NR3C2: variants seen among roughly 807,000 people sequenced by gnomAD.
The protein encoded by NR3C2 is mineralocorticoid receptor.
A neutral mutation model predicts 86.4 loss-of-function variants in NR3C2; 15 were observed. That is an observed-to-expected ratio of 0.17 (90% confidence interval 0.12 to 0.27). NR3C2 has a LOEUF of 0.27. Ranked by LOEUF, NR3C2 falls within the 10% of genes least tolerant of loss-of-function variation. The probability of loss-of-function intolerance (pLI) is 1.00; values close to 1 mark genes in which losing one functional copy is unlikely to be tolerated. For synonymous variants in NR3C2, 458 were observed against 450.5 expected (o/e 1.02, Z -0.21); for missense variants, 960 against 1,195.6 (o/e 0.80, Z 2.91).
chr4:148,435,545 G>A lies in NR3C2; in HGVS notation c.1316C>T (p.Thr439Ile). 2 of 1,614,074 alleles carry A rather than the reference G, an allele frequency of 1.2e-6. No individual in the cohort carries two copies. Among genetic ancestry groups the A allele is most frequent in the Non-Finnish European group, 1.7e-6 (2 of 1,180,024 alleles). ...QESTKHSCSG[T>I]SFKGNPTVNP... ...TACTGTTGGATTCCCTTTAAAAGAG[G>A]TGCCTGAACATGAATGCTTGGTTGA... is the stretch of plus-strand genomic sequence containing the variant. Residue 439 changes from threonine (T) to isoleucine (I), a missense_variant, in exon 2 of 9, where the codon ACC (threonine) becomes ATC (isoleucine). Physicochemically the swap from Thr to Ile is moderately conservative, Grantham distance 89. Coordinates refer to ENST00000358102, the MANE Select transcript of NR3C2 (RefSeq NM_000901.5).
intron 2 of NR3C2, among the ~76,000 whole-genome samples, chr4:148,411,932 A>G (rs1748727480): frequency 6.6e-6 from 1 of 152,158 alleles, no homozygotes; most frequent in African/African-American, 2.4e-5. Flanking sequence ...CACTTATAAA[A>G]CTTAACGCTG....
At chr4:148,270,512 C>T (rs1740626816) in intron 2 of NR3C2, among the ~76,000 whole-genome samples, 1 of 152,156 alleles carries the variant, frequency 6.6e-6, no homozygotes, top group African/African-American at 2.4e-5. Flanking sequence ...TGTTATAGTG[C>T]TTTTGCTGAC....
intron 2 of NR3C2, among the ~76,000 whole-genome samples, chr4:148,360,190 C>A (rs2150002570): frequency 6.6e-6 from 1 of 152,274 alleles, no homozygotes; most frequent in South Asian, 2.1e-4. Context: ...TTTATACTTT[C>A]TTATCATTTT....
At chr4:148,321,601 C>A (rs913899833) in intron 2 of NR3C2, among the ~76,000 whole-genome samples, 5 of 152,124 alleles carry the variant, frequency 3.3e-5, no homozygotes, top group East Asian at 1.9e-4. Flanking sequence ...GTTAGCTCTT[C>A]TTGTTGAATT....
intron 2 of NR3C2, among the ~76,000 whole-genome samples, chr4:148,285,125 C>T (rs754048661): frequency 9.2e-5 from 14 of 152,150 alleles, no homozygotes; most frequent in Non-Finnish European, 4.4e-5. Flanking sequence ...CTACAACTGT[C>T]ATGTGATTAC....
intron 2 of NR3C2, among the ~76,000 whole-genome samples, chr4:148,382,351 G>T (rs878232): frequency 0.02 from 3,084 of 152,228 alleles, 110 homozygotes; most frequent in African/African-American, 0.071. Flanking sequence ...TATGGTCCGT[G>T]CACTTAATAT....
chr4:148,395,251 A>C (rs2126508757), intron 2 of NR3C2, among the ~76,000 whole-genome samples: 1 of 152,310 alleles, frequency 6.6e-6, no homozygotes, highest in East Asian at 1.9e-4. Flanking sequence ...AATTTTTAAG[A>C]AAGAACATAC....
At chr4:148,124,240 C>A (rs201587543) in intron 6 of NR3C2, among the ~76,000 whole-genome samples, 1 of 34,860 alleles carries the variant, frequency 2.9e-5, no homozygotes, top group Admixed American at 2.8e-4. Context: ...ATCCCAAAAC[C>A]AAACCAAACC....
rs1412822483 is a variant in NR3C2 at position 148,338,371 on chromosome 4, GT to G, written c.1758-78255del. Among the ~76,000 whole-genome samples, 8 of 152,208 alleles carry G rather than the reference GT, an allele frequency of 5.3e-5. No individual in the cohort carries two copies. The East Asian group carries it at 1.5e-3, about 29-fold the overall frequency. On this transcript the variant is annotated intron_variant, in intron 2 of 8. Coordinates refer to ENST00000358102, the MANE Select transcript of NR3C2 (RefSeq NM_000901.5). ...TGGTAAAATATTTAAAGAGCTAAAT[GT>G]TATGGGATTTTTAAAAATGTTATTT...
chr4:148,247,476 A>C (rs990442134), intron 3 of NR3C2, among the ~76,000 whole-genome samples: 4 of 152,122 alleles, frequency 2.6e-5, no homozygotes, highest in African/African-American at 4.8e-5. Flanking sequence ...ACTTTTGTGC[A>C]ATTTGTATTG....
chr4:148,266,078 T>TTC lies in NR3C2; in HGVS notation c.1758-5962_1758-5961insGA, dbSNP rs1740375025. The stretch of plus-strand genomic sequence containing the variant: ...ATAAAATAGCTCCAGAAGGCCGCTT[T>TTC]TTTTTTTTTTTTTGAGACAAGAGTC... On this transcript the variant is annotated intron_variant, in intron 2 of 8. Coordinates refer to ENST00000358102, the MANE Select transcript of NR3C2 (RefSeq NM_000901.5). 2.0e-5 allele frequency among the ~76,000 whole-genome samples: 3 copies of TTC among 149,094 alleles called. No homozygotes were observed. In the South Asian group the frequency reaches 6.4e-4, roughly 32 times the overall value.
intron 4 of NR3C2, among the ~76,000 whole-genome samples, chr4:148,162,354 C>A (rs1482936645): frequency 6.6e-6 from 1 of 152,150 alleles, no homozygotes; most frequent in East Asian, 1.9e-4. Context: ...TTTGTATTTT[C>A]TGTAGCTATA....
chr4:148,156,408 A>C (rs1734388808), intron 4 of NR3C2, among the ~76,000 whole-genome samples: 1 of 152,032 alleles, frequency 6.6e-6, no homozygotes, highest in Non-Finnish European at 1.5e-5. Context: ...ACTCAAACAA[A>C]TTTACAAGAA....
intron 8 of NR3C2, 107 bp from the exon 9 acceptor site, chr4:148,081,606 TC>T: frequency 6.8e-7 from 1 of 1,474,932 alleles, no homozygotes; most frequent in Non-Finnish European, 9.3e-7. Flanking sequence ...TTAGAAAGCC[TC>T]CCAGGAGACC....
At chr4:148,330,856 G>T (rs907144969) in intron 2 of NR3C2, among the ~76,000 whole-genome samples, 1 of 152,126 alleles carries the variant, frequency 6.6e-6, no homozygotes, top group East Asian at 1.9e-4. Context: ...CATGAGATCT[G>T]GTTGTTTAAA....
At position 148,308,137 on chromosome 4, in the gene NR3C2, G is replaced by A. The variant is rs1335089181; in HGVS notation, c.1758-48020C>T. Among the ~76,000 whole-genome samples the A allele has an allele frequency of 4.1e-4, 62 of 152,114 alleles. 1 individual carries two copies. On this transcript the variant is annotated intron_variant, in intron 2 of 8. Transcript: ENST00000358102. ...GTTCTTTACCAGAACCCAAGGACATGTGAAGTTCCAAGTCTGGGTGTCTCT... is the reference window on the plus strand; with the variant it reads ...GTTCTTTACCAGAACCCAAGGACATATGAAGTTCCAAGTCTGGGTGTCTCT...
chr4:148,405,480 C>T (rs940212016), intron 2 of NR3C2, among the ~76,000 whole-genome samples: 1 of 152,128 alleles, frequency 6.6e-6, no homozygotes, highest in East Asian at 1.9e-4. Flanking sequence ...CTTTGCTTCT[C>T]CCTAGGGAAG....
At chr4:148,233,424 A>T (rs898325150) in intron 3 of NR3C2, among the ~76,000 whole-genome samples, 8 of 149,148 alleles carry the variant, frequency 5.4e-5, no homozygotes, top group Non-Finnish European at 1.0e-4. Flanking sequence ...CAGTGACACA[A>T]CCACAGTTCA....
In NR3C2 at chr4:148,300,588, AT is replaced by A. The variant is rs1230657445; in HGVS notation, c.1758-40472del. Among the ~76,000 whole-genome samples the A allele has an allele frequency of 2.1e-4, 27 of 127,762 alleles. 1 individual carries two copies. The highest frequency in any genetic ancestry group is 5.6e-4 in the African/African-American group (19 of 34,106). 83.8% of individuals were successfully genotyped at this position (127,762 alleles called of 152,430 possible). A position where few individuals can be genotyped will look rare whatever the true frequency, so the allele number is the denominator to read the frequency against. ...TTTTCTCCATTTTGCCTTGCTACTCATTTTTTTTTTTTTTTTTTGACAGAGT... is the reference window on the plus strand; with the variant it reads ...TTTTCTCCATTTTGCCTTGCTACTCATTTTTTTTTTTTTTTTTGACAGAGT... On this transcript the variant is annotated intron_variant, in intron 2 of 8. Transcript: ENST00000358102.
Sources: allele counts gnomAD v4.1 joint callset (sites outside exome capture counted in the v4.1 genomes callset), GRCh38; gene constraint gnomAD v4.1.1; transcripts MANE v1.5; gene names NCBI Gene and HGNC (gene_info 2026-07-23, HGNC 2026-07-21).